ADAMTS18: variants seen among roughly 807,000 people sequenced by gnomAD.
ADAMTS18 encodes ADAM metallopeptidase with thrombospondin type 1 motif 18.
Under a neutral mutation model 165.9 loss-of-function variants are expected in ADAMTS18, and 157 were observed. The ratio of observed to expected loss-of-function variants is 0.95; its 90% CI spans 0.83 to 1.08. The LOEUF is 1.08. Among genes scored for constraint, ADAMTS18 ranks in the 50% least tolerant of loss-of-function variants. The pLI is 0.00. For synonymous variants in ADAMTS18, 782 were observed against 578.2 expected, an observed-to-expected ratio of 1.35 and a Z score of -5.06; for missense variants, 2,040 against 1,534.0, an observed-to-expected ratio of 1.33 and a Z score of -5.51.
chr16:77,298,581 C>T (rs1187408171), intron 17 of ADAMTS18, among the ~76,000 whole-genome samples: 1 of 151,962 alleles, frequency 6.6e-6, no homozygotes, highest in Non-Finnish European at 1.5e-5. Flanking sequence ...TGCTTGAGGC[C>T]AGGAGTTTGA....
At chr16:77,342,492 T>A (rs1297175652) in intron 10 of ADAMTS18, among the ~76,000 whole-genome samples, 1 of 152,164 alleles carries the variant, frequency 6.6e-6, no homozygotes, top group Non-Finnish European at 1.5e-5. Flanking sequence ...ATTCTTGCTT[T>A]GTGGCCCAGT....
chr16:77,335,886 A>G lies in ADAMTS18; in HGVS notation c.1729T>C (p.Cys577Arg), dbSNP rs776528469. The change falls in exon 12 of 23, where the codon TGC becomes CGC. Residue 577 changes from cysteine (C) to arginine (R), a missense_variant. Cys to Arg is a radical substitution (Grantham distance 180). Coordinates refer to ENST00000282849, the MANE Select transcript of ADAMTS18 (RefSeq NM_199355.4). ...GGCCCGAGCTCCCCAAACTTTACGC[A>G]CTGGCCTTGCCGACACCACTGTGAA... The part of the protein sequence containing the change: ...GLSMWCRQGQ[C>R]VKFGELGPRP... The G allele has an allele frequency of 6.2e-7, 1 of 1,614,234 alleles. No individual in the cohort carries two copies. The highest frequency in any genetic ancestry group is 1.1e-5 in the South Asian group (1 of 91,086).
intron 3 of ADAMTS18, among the ~76,000 whole-genome samples, chr16:77,418,834 C>A (rs1330281672): frequency 6.6e-6 from 1 of 152,152 alleles, no homozygotes; most frequent in Non-Finnish European, 1.5e-5. Flanking sequence ...TAACAAATTA[C>A]CACAAACTCA....
At chr16:77,371,208 C>A (rs2056871180) in intron 3 of ADAMTS18, among the ~76,000 whole-genome samples, 1 of 150,456 alleles carries the variant, frequency 6.6e-6, no homozygotes, top group Non-Finnish European at 1.5e-5. Context: ...GAGCAAGACT[C>A]TGACTCAATT....
intron 18 of ADAMTS18, 124 bp from the exon 19 acceptor site, chr16:77,295,251 G>A: frequency 2.1e-6 from 2 of 973,278 alleles, no homozygotes; most frequent in South Asian, 2.8e-5. Flanking sequence ...AATAAGATAA[G>A]TTATTCTAAT....
At chr16:77,329,207 G>A (rs8062871) in intron 12 of ADAMTS18, among the ~76,000 whole-genome samples, 1,632 of 151,968 alleles carry the variant, frequency 0.011, 29 homozygotes, top group African/African-American at 0.037. Flanking sequence ...CTGAACTCAA[G>A]TAATCCTCCT....
At chr16:77,431,815 G>A (rs1380536325) in intron 2 of ADAMTS18, 10 of 611,036 alleles carry the variant, frequency 1.6e-5, no homozygotes, top group African/African-American at 3.7e-5. Flanking sequence ...ATTTCTACAG[G>A]TGCCCGAAAG....
chr16:77,368,300 G>C (rs560659903), intron 3 of ADAMTS18, among the ~76,000 whole-genome samples: 1 of 152,298 alleles, frequency 6.6e-6, no homozygotes, highest in Non-Finnish European at 1.5e-5. Flanking sequence ...GTTTGTGCCT[G>C]AAGGGCTGAG....
intron 12 of ADAMTS18, among the ~76,000 whole-genome samples, chr16:77,334,515 A>C (rs1268020601): frequency 1.8e-5 from 2 of 112,444 alleles, no homozygotes; most frequent in East Asian, 5.0e-4. Context: ...ATATTATAGT[A>C]TATATTATAT....
intron 3 of ADAMTS18, among the ~76,000 whole-genome samples, chr16:77,402,865 T>G (rs1055750488): frequency 9.8e-5 from 15 of 152,298 alleles, no homozygotes; most frequent in Non-Finnish European, 2.2e-4. Flanking sequence ...CCCTGAATTT[T>G]TTACCTTTGT....
chr16:77,320,939 C>T (rs2055986132), intron 15 of ADAMTS18, 140 bp downstream of exon 15: 1 of 1,074,904 alleles, frequency 9.3e-7, no homozygotes, highest in Admixed American at 1.7e-5. Context: ...CTCCCTTACT[C>T]TTGCACAAGT....
At chr16:77,295,481 CCTT>C (rs1290158460) in intron 18 of ADAMTS18, among the ~76,000 whole-genome samples, 9 of 152,110 alleles carry the variant, frequency 5.9e-5, no homozygotes, top group Admixed American at 1.3e-4. Flanking sequence ...AAGGCAGCAG[CCTT>C]CTTTCCATTA....
At chr16:77,407,195 T>A (rs1487221815) in intron 3 of ADAMTS18, among the ~76,000 whole-genome samples, 2 of 152,152 alleles carry the variant, frequency 1.3e-5, no homozygotes, top group Non-Finnish European at 2.9e-5. Flanking sequence ...TATTTATACC[T>A]ATCTGTAGCA....
chr16:77,390,195 A>G (rs1438286826), intron 3 of ADAMTS18, among the ~76,000 whole-genome samples: 1 of 152,234 alleles, frequency 6.6e-6, no homozygotes, highest in Non-Finnish European at 1.5e-5. Flanking sequence ...TCTGCAAGAA[A>G]TAACGGCAGT....
chr16:77,302,611 C>A (rs976582155), intron 16 of ADAMTS18, among the ~76,000 whole-genome samples: 1 of 152,200 alleles, frequency 6.6e-6, no homozygotes, highest in Admixed American at 6.5e-5. Flanking sequence ...CCCATTCAAA[C>A]TAGATCCTAA....
chr16:77,356,917 G>A (rs2056639447), intron 8 of ADAMTS18, among the ~76,000 whole-genome samples: 1 of 149,996 alleles, frequency 6.7e-6, no homozygotes, highest in Non-Finnish European at 1.5e-5. Context: ...TAAAGTGGTA[G>A]AAGATGGGGA....
chr16:77,329,536 C>A (rs921359783), intron 12 of ADAMTS18, among the ~76,000 whole-genome samples: 7 of 152,172 alleles, frequency 4.6e-5, no homozygotes, highest in African/African-American at 1.7e-4. Flanking sequence ...GAATGTAGGG[C>A]AGTATCTAGG....
At chr16:77,399,509 A>T (rs1044089848) in intron 3 of ADAMTS18, among the ~76,000 whole-genome samples, 1 of 152,206 alleles carries the variant, frequency 6.6e-6, no homozygotes, top group Non-Finnish European at 1.5e-5. Context: ...AGAAGATAAA[A>T]CTAAGTGATG....
intron 10 of ADAMTS18, among the ~76,000 whole-genome samples, chr16:77,349,373 T>G (rs1410678833): frequency 6.6e-6 from 1 of 152,066 alleles, no homozygotes. Context: ...TGGAAATTGA[T>G]AGCTTATCTT....
Sources: gnomAD v4.1 joint callset for allele counts (sites outside exome capture counted in the v4.1 genomes callset) on GRCh38, gnomAD v4.1.1 for gene constraint, MANE v1.5 for transcripts, NCBI Gene and HGNC (gene_info 2026-07-23, HGNC 2026-07-21) for gene names.